The following OXR1 variants were observed in gnomAD, a reference collection of about 807,000 sequenced individuals.
The protein encoded by OXR1 is oxidation resistance 1.
Under a neutral mutation model 104.6 loss-of-function variants are expected in OXR1, and 41 were observed. The observed-to-expected ratio is 0.39, with a 90% CI of 0.31 to 0.51. The LOEUF (loss-of-function observed/expected upper bound fraction) is 0.51, where lower values mean the gene tolerates loss of function less well. Among genes scored for constraint, OXR1 ranks in the 20% least tolerant of loss-of-function variants. The pLI is 0.77. For missense variants in OXR1, 955 were observed against 1,031.9 expected (o/e 0.93, Z 1.02); for synonymous variants, 348 against 348.4 (o/e 1.00, Z 0.01).
At chr8:106,494,987 A>T (rs16874761) in intron 2 of OXR1, among the ~76,000 whole-genome samples, 8,197 of 152,218 alleles carry the variant, frequency 0.054, 290 homozygotes, top group African/African-American at 0.092. Context: ...AGCACCTGGA[A>T]TAGTGCCAGA....
chr8:106,303,826 A>G (rs1304743946), intron 1 of OXR1, among the ~76,000 whole-genome samples: 1 of 152,208 alleles, frequency 6.6e-6, no homozygotes, highest in African/African-American at 2.4e-5. Context: ...AAATTGTGAT[A>G]TCTACCAGTG....
intron 1 of OXR1, among the ~76,000 whole-genome samples, chr8:106,324,268 CCCAATA>C (rs1372009204): frequency 6.6e-6 from 1 of 152,080 alleles, no homozygotes; most frequent in Non-Finnish European, 1.5e-5. Flanking sequence ...GAACAGAAAA[CCCAATA>C]CTGCATGTTC....
chr8:106,447,650 A>G (rs1820066606), intron 2 of OXR1, among the ~76,000 whole-genome samples: 1 of 152,224 alleles, frequency 6.6e-6, no homozygotes, highest in African/African-American at 2.4e-5. Flanking sequence ...TTCCTTGGTT[A>G]AAAGTCTGAT....
chr8:106,738,723 C>T (rs1386815053), intron 12 of OXR1, among the ~76,000 whole-genome samples: 1 of 148,520 alleles, frequency 6.7e-6, no homozygotes, highest in African/African-American at 2.5e-5. Flanking sequence ...ACATTCTTAT[C>T]GTTTTAAGAA....
intron 3 of OXR1, among the ~76,000 whole-genome samples, chr8:106,669,828 T>C (rs919515296): frequency 6.6e-6 from 1 of 152,208 alleles, no homozygotes; most frequent in Non-Finnish European, 1.5e-5. Flanking sequence ...GGTTTTATAC[T>C]GCTCTGTTAA....
intron 6 of OXR1, among the ~76,000 whole-genome samples, chr8:106,689,196 A>ATCATTTCT (rs1346729186): frequency 9.2e-5 from 14 of 152,092 alleles, no homozygotes; most frequent in African/African-American, 3.4e-4. Context: ...GTAGAGGAGA[A>ATCATTTCT]TCATTTCTTG....
chr8:106,339,359 G>T (rs1586542018), intron 1 of OXR1, among the ~76,000 whole-genome samples: 2 of 150,780 alleles, frequency 1.3e-5, no homozygotes, highest in African/African-American at 4.9e-5. Flanking sequence ...GCCGGGCGTG[G>T]TGGCGAGCAC....
At chr8:106,536,832 A>AT (rs1379942630) in intron 3 of OXR1, among the ~76,000 whole-genome samples, 4 of 151,996 alleles carry the variant, frequency 2.6e-5, no homozygotes, top group Non-Finnish European at 5.9e-5. Context: ...TTTTGATTGT[A>AT]TTTTTTCTAA....
At chr8:106,575,436 C>A (rs1817754868) in intron 3 of OXR1, among the ~76,000 whole-genome samples, 1 of 151,996 alleles carries the variant, frequency 6.6e-6, no homozygotes. Flanking sequence ...TGAAAATGGA[C>A]ATTCACAGCC....
At chr8:106,526,765 T>G (rs112427474) in intron 3 of OXR1, among the ~76,000 whole-genome samples, 1,730 of 152,316 alleles carry the variant, frequency 0.011, 31 homozygotes, top group African/African-American at 0.032. Context: ...GGATGGTCTC[T>G]ATCTCCTGAC....
intron 1 of OXR1, among the ~76,000 whole-genome samples, chr8:106,273,747 G>T (rs1811911629): frequency 6.6e-6 from 1 of 152,120 alleles, no homozygotes; most frequent in Non-Finnish European, 1.5e-5. Context: ...TTGTTTTAAG[G>T]AAATTAAAGA....
At chr8:106,749,714 A>C (rs1210636318) in intron 16 of OXR1, among the ~76,000 whole-genome samples, 1 of 152,088 alleles carries the variant, frequency 6.6e-6, no homozygotes, top group African/African-American at 2.4e-5. Flanking sequence ...ATATTACTTT[A>C]GATTTAGAGA....
chr8:106,357,862 G>A (rs1291236691), intron 1 of OXR1, among the ~76,000 whole-genome samples: 5 of 152,052 alleles, frequency 3.3e-5, no homozygotes, highest in African/African-American at 2.4e-5. Context: ...ACAAAACTTT[G>A]GGGGTCAAGG....
At chr8:106,599,021 T>C (rs1819739731) in intron 3 of OXR1, among the ~76,000 whole-genome samples, 1 of 152,214 alleles carries the variant, frequency 6.6e-6, no homozygotes, top group African/African-American at 2.4e-5. Flanking sequence ...TTAGCTTTTA[T>C]TTTGGAGAAA....
At chr8:106,725,976 C>A in intron 11 of OXR1, 1 of 355,272 alleles carries the variant, frequency 2.8e-6, no homozygotes, top group South Asian at 7.3e-5. Flanking sequence ...CCTTTCTTTG[C>A]ACATTTGGGT....
chr8:106,732,134 A>G (rs759669753), intron 11 of OXR1, among the ~76,000 whole-genome samples: 5 of 152,112 alleles, frequency 3.3e-5, no homozygotes, highest in Non-Finnish European at 5.9e-5. Context: ...CATTTACATT[A>G]TGCTAATATA....
At chr8:106,401,878 T>A (rs1233806885) in intron 2 of OXR1, among the ~76,000 whole-genome samples, 2 of 152,164 alleles carry the variant, frequency 1.3e-5, no homozygotes, top group East Asian at 3.8e-4. Flanking sequence ...TAATATCTTA[T>A]GAAGGGGAAA....
chr8:106,601,504 C>T (rs944897045), intron 3 of OXR1, among the ~76,000 whole-genome samples: 2 of 152,194 alleles, frequency 1.3e-5, no homozygotes, highest in African/African-American at 4.8e-5. Context: ...ATCTAATATA[C>T]TAGAAGGACA....
chr8:106,702,499 C>T (rs1830676240), intron 7 of OXR1, among the ~76,000 whole-genome samples: 1 of 151,996 alleles, frequency 6.6e-6, no homozygotes, highest in East Asian at 1.9e-4. Context: ...ATAATATTAT[C>T]AACATTATTT....
Sources: allele counts gnomAD v4.1 joint callset (sites outside exome capture counted in the v4.1 genomes callset), GRCh38; gene constraint gnomAD v4.1.1; transcripts MANE v1.5; gene names NCBI Gene and HGNC (gene_info 2026-07-23, HGNC 2026-07-21).